Variants in NMUR2 observed in about 807,000 individuals in gnomAD.
The protein encoded by NMUR2 is neuromedin-U receptor 2.
In NMUR2, 24 loss-of-function variants were observed where a neutral mutation model predicts 25.1. That is an observed-to-expected ratio of 0.96 (90% CI 0.69 to 1.34). NMUR2 has a LOEUF of 1.34. NMUR2 is among the 40% of genes most tolerant of loss of function. The pLI is 0.00. For missense variants in NMUR2, 533 were observed against 512.8 expected (o/e 1.04, Z -0.38); for synonymous variants, 218 against 208.1 (o/e 1.05, Z -0.41).
intron 2 of NMUR2, among the ~76,000 whole-genome samples, chr5:152,397,010 A>ATTTTTTTTTTT: frequency 9.7e-6 from 1 of 103,172 alleles, no homozygotes; most frequent in Non-Finnish European, 2.3e-5. Context: ...AGTGAGCTTC[A>ATTTTTTTTTTT]TGTTTTTTTT....
chr5:152,392,495 A>G lies in NMUR2; in HGVS notation c.944T>C (p.Phe315Ser). The part of the protein sequence containing the change: ...FNLVHVVSGV[F>S]FYLSSAVNPI... ...GTTGACAGCTGAGCTCAGGTAGAAG[A>G]AGACACCTGGAATGCAGGGGATTTA... is the stretch of plus-strand genomic sequence containing the variant. Residue 315 changes from phenylalanine to serine, a missense_variant, in exon 4 of 4, where the codon TTC becomes TCC. By Grantham distance (155) the Phe-to-Ser change is radical. Transcript: ENST00000255262. The G allele has an allele frequency of 6.2e-7, 1 of 1,610,510 alleles. No individual in the cohort carries two copies. The highest frequency in any genetic ancestry group is 8.5e-7 in the Non-Finnish European group (1 of 1,177,284).
chr5:152,404,568 G>C lies in NMUR2; in HGVS notation c.546C>G (p.Thr182=). 1.2e-6 allele frequency: 2 copies of C among 1,614,128 alleles called. No homozygotes were observed. The highest frequency in any genetic ancestry group is 1.7e-6 in the Non-Finnish European group (2 of 1,180,012). The part of the protein sequence containing the change: ...GFSVLFSLPN[T]SIHGIKFHYF... ...AGTGGAACTTGATGCCATGGATGCT[G>C]GTGTTGGGCAGGGAGAAGAGCACGG... Residue 182 remains threonine (T), a synonymous_variant, in exon 1 of 4, where the codon ACC becomes ACG. Coordinates refer to ENST00000255262, the MANE Select transcript of NMUR2 (RefSeq NM_020167.5).
Position 152,404,612 on chromosome 5 carries a change from C to A in NMUR2, c.502G>T (p.Gly168Cys). Residue 168 changes from glycine to cysteine, a missense_variant, in exon 1 of 4, where the codon GGC (glycine) becomes TGC (cysteine). Coordinates refer to ENST00000255262, the MANE Select transcript of NMUR2 (RefSeq NM_020167.5). ...AGCACGGAGAAGCCCCAGACGATGC[C>A]GAGGATCCTGAGGGCCCGGCGCCGG... ...STRRRALRILGIVWGFSVLFS... is the reference protein window; with the variant it reads ...STRRRALRILCIVWGFSVLFS... 6.2e-7 allele frequency: 1 copy of A among 1,614,014 alleles called. No homozygotes were observed. The highest frequency in any genetic ancestry group is 8.5e-7 in the Non-Finnish European group (1 of 1,179,998).
At chr5:152,402,276 A>G (rs1417931454) in intron 1 of NMUR2, among the ~76,000 whole-genome samples, 2 of 152,150 alleles carry the variant, frequency 1.3e-5, no homozygotes, top group Admixed American at 1.3e-4. Context: ...CAGTAGGAAC[A>G]TTTCAGGCTA....
intron 1 of NMUR2, among the ~76,000 whole-genome samples, chr5:152,398,582 C>T (rs113182380): frequency 4.1e-4 from 63 of 152,288 alleles, no homozygotes; most frequent in Middle Eastern, 6.8e-3. Context: ...CTTCTTGCCT[C>T]ATCAGTATTT....
At chr5:152,402,969 C>CTA (rs1273576856) in intron 1 of NMUR2, among the ~76,000 whole-genome samples, 1 of 152,180 alleles carries the variant, frequency 6.6e-6, no homozygotes, top group Non-Finnish European at 1.5e-5. Flanking sequence ...TTCAAAAGGA[C>CTA]TACCATTGGG....
At chr5:152,394,119 G>T (rs1418891439) in intron 3 of NMUR2, among the ~76,000 whole-genome samples, 1 of 152,080 alleles carries the variant, frequency 6.6e-6, no homozygotes, top group East Asian at 1.9e-4. Flanking sequence ...TAATTGCCTT[G>T]ACGCATCCAG....
intron 3 of NMUR2, among the ~76,000 whole-genome samples, chr5:152,393,239 G>C (rs1753093418): frequency 1.3e-5 from 2 of 152,114 alleles, no homozygotes; most frequent in Admixed American, 1.3e-4. Context: ...TGGCACTTCA[G>C]TTTCTTTCTC....
At chr5:152,397,995 G>T in intron 2 of NMUR2, 65 bp downstream of exon 2, 1 of 1,124,838 alleles carries the variant, frequency 8.9e-7, no homozygotes, top group Non-Finnish European at 1.3e-6. Context: ...CATTTAGTTG[G>T]TACCAAATGT....
Position 152,392,278 on chromosome 5 carries a change from G to A in NMUR2, c.1161C>T (p.Ser387=), listed in dbSNP as rs143512907. Residue 387 remains serine (S), a synonymous_variant, in exon 4 of 4, where the codon TCC becomes TCT. Coordinates refer to ENST00000255262, the MANE Select transcript of NMUR2 (RefSeq NM_020167.5). ...CTGCTGGGAGGTGAGAGTTGTGCAT[G>A]GATGACTGACATGGGAATTGGGGAC... ...DIGPQFPCQS[S]MHNSHLPAAL... is the part of the protein sequence containing the mutation. 1.6e-4 allele frequency: 263 copies of A among 1,613,828 alleles called. 1 individual carries two copies. In the African/African-American group the frequency reaches 2.5e-3, roughly 15 times the overall value.
intron 2 of NMUR2, among the ~76,000 whole-genome samples, chr5:152,396,222 ACACT>A (rs1460082554): frequency 9.4e-6 from 1 of 106,102 alleles, no homozygotes; most frequent in Non-Finnish European, 2.3e-5. Context: ...ACACACACAC[ACACT>A]TTTTTTTTTT....
Position 152,404,643 on chromosome 5 carries a change from C to T in NMUR2, c.471G>A (p.Gln157=), listed in dbSNP as rs755485294. The change falls in exon 1 of 4, where the codon CAG becomes CAA. Residue 157 remains glutamine, a synonymous_variant. Transcript: ENST00000255262. ...AILHPFRAKL[Q]STRRRALRIL... ...TCCTGAGGGCCCGGCGCCGGGTGCT[C>T]TGCAGTTTGGCGCGGAACGGGTGTA... 3 of 1,614,010 alleles carry T rather than the reference C, an allele frequency of 1.9e-6. No homozygotes were observed. In the African/African-American group the frequency reaches 4.0e-5, roughly 22 times the overall value.
intron 1 of NMUR2, among the ~76,000 whole-genome samples, chr5:152,401,045 T>G (rs1018964892): frequency 6.6e-6 from 1 of 152,200 alleles, no homozygotes; most frequent in African/African-American, 2.4e-5. Flanking sequence ...ATGGTGTACA[T>G]TGTTCCAACA....
intron 3 of NMUR2, among the ~76,000 whole-genome samples, chr5:152,394,688 G>T (rs918253561): frequency 2.6e-5 from 4 of 152,126 alleles, no homozygotes; most frequent in Non-Finnish European, 4.4e-5. Flanking sequence ...TTGTGGAAGG[G>T]TTTTATTTTT....
At chr5:152,401,885 G>A (rs1338420472) in intron 1 of NMUR2, among the ~76,000 whole-genome samples, 1 of 152,092 alleles carries the variant, frequency 6.6e-6, no homozygotes, top group Non-Finnish European at 1.5e-5. Flanking sequence ...AAAGCAGTGG[G>A]TCCCAGAGTC....
rs567704974 is a variant in NMUR2, at chr5:152,394,156, C to T, written c.937+1303G>A. On this transcript the variant is annotated intron_variant, in intron 3 of 3. Transcript: ENST00000255262. ...GAATTGTAGTCAATTAGTCAAGTCT[C>T]ATTTGACCTTGTAGTGCTTTCTCAT... 2.7e-4 allele frequency among the ~76,000 whole-genome samples: 41 copies of T among 152,212 alleles called. 2 individuals are homozygous for T. Among genetic ancestry groups the T allele is most frequent in the African/African-American group, 9.6e-4 (40 of 41,536 alleles).
chr5:152,392,315 G>A lies in NMUR2; in HGVS notation c.1124C>T (p.Thr375Ile). 1.2e-6 allele frequency: 2 copies of A among 1,613,990 alleles called. No homozygotes were observed. Among genetic ancestry groups the A allele is most frequent in the Non-Finnish European group, 1.7e-6 (2 of 1,179,938 alleles). ...TGGGAATTGGGGACCTATATCTTCG[G>A]TCAGCTCCACAAAGTGGCATTCTGT... The part of the protein sequence containing the change: ...FLTECHFVEL[T>I]EDIGPQFPCQ... The change falls in exon 4 of 4, where the codon ACC becomes ATC. Residue 375 changes from threonine (T) to isoleucine (I), a missense_variant. By Grantham distance (89) the Thr-to-Ile change is moderately conservative. Transcript: ENST00000255262.
rs1169485430 is a variant in NMUR2, at chr5:152,392,107, C to A, written c.*84G>T. 4.2e-6 allele frequency: 5 copies of A among 1,188,206 alleles called. No homozygotes were observed. Among genetic ancestry groups the A allele is most frequent in the Non-Finnish European group, 6.0e-6 (5 of 832,080 alleles). The allele number at this position is 1,188,206 out of a possible 1,614,324, so 73.6% of individuals were successfully genotyped here. ...GAGTTGTAAGAGCCATTCTACCTCT[C>A]TAATATCATATGAGAAGGCATACAT... On this transcript the variant is annotated 3_prime_UTR_variant, in exon 4 of 4. Transcript: ENST00000255262.
At chr5:152,393,493 A>G (rs1240604923) in intron 3 of NMUR2, among the ~76,000 whole-genome samples, 1 of 152,214 alleles carries the variant, frequency 6.6e-6, no homozygotes, top group East Asian at 1.9e-4. Context: ...ATGCATTAAT[A>G]CTATTAGTTC....
Sources: gnomAD v4.1 joint callset for allele counts (sites outside exome capture counted in the v4.1 genomes callset) on GRCh38, gnomAD v4.1.1 for gene constraint, MANE v1.5 for transcripts, NCBI Gene and HGNC (gene_info 2026-07-23, HGNC 2026-07-21) for gene names.